The following CCL28 variants were observed in gnomAD, a reference collection of about 807,000 sequenced individuals.
The protein encoded by CCL28 is C-C motif chemokine ligand 28.
CCL28 carries 4 observed loss-of-function variants against 7.1 expected under a neutral mutation model. The ratio of observed to expected loss-of-function variants is 0.56; its 90% CI spans 0.28 to 1.29. CCL28 has a LOEUF of 1.29. Ranked by LOEUF, CCL28 falls within the 50% of genes most tolerant of loss-of-function variation. The probability of loss-of-function intolerance (pLI) is 0.11; values close to 1 mark genes in which losing one functional copy is unlikely to be tolerated. For missense variants in CCL28, 151 were observed against 163.4 expected (o/e 0.92, Z 0.41); for synonymous variants, 55 against 57.8 (o/e 0.95, Z 0.22).
chr5:43,390,147 TGGTTGTTGGAGA>T (rs1202189767), intron 1 of CCL28, among the ~76,000 whole-genome samples: 1 of 152,182 alleles, frequency 6.6e-6, no homozygotes, highest in East Asian at 1.9e-4. Flanking sequence ...TACTGAACAA[TGGTTGTTGGAGA>T]GGTTGTTGGG....
downstream of CCL28, among the ~76,000 whole-genome samples, chr5:43,374,482 T>G (rs1306409470): frequency 6.6e-6 from 1 of 152,160 alleles, no homozygotes; most frequent in Admixed American, 6.5e-5. Flanking sequence ...ATTTATTCTG[T>G]GATAGTATAA....
chr5:43,397,260 G>T (rs904824375), intron 1 of CCL28: 7 of 152,262 alleles, frequency 4.6e-5, no homozygotes, highest in Non-Finnish European at 7.4e-5. Flanking sequence ...CTAGCCTACC[G>T]CGGGCTGCCC....
At chr5:43,359,716 A>G in the CCL28 span, among the ~76,000 whole-genome samples, 1 of 152,172 alleles carries the variant, frequency 6.6e-6, no homozygotes, top group South Asian at 2.1e-4. Flanking sequence ...AGAGATCACA[A>G]GATTTGTAAC....
At chr5:43,359,638 C>T in the CCL28 span, among the ~76,000 whole-genome samples, 2 of 152,306 alleles carry the variant, frequency 1.3e-5, no homozygotes, top group African/African-American at 2.4e-5. Context: ...CTGTTCCCAA[C>T]AATAAGCAGC....
chr5:43,362,265 A>C, the CCL28 span, among the ~76,000 whole-genome samples: 1 of 152,020 alleles, frequency 6.6e-6, no homozygotes, highest in Non-Finnish European at 1.5e-5. Context: ...GAATGGGATT[A>C]CATTCCTGAT....
At chr5:43,379,126 G>T (rs1288720160), downstream of CCL28, 2 of 152,074 alleles carry the variant, frequency 1.3e-5, no homozygotes, top group African/African-American at 4.8e-5. Flanking sequence ...ATTGCAGATC[G>T]ATCTAGTAAG....
chr5:43,407,428 C>T (rs1357961844), intron 1 of CCL28, among the ~76,000 whole-genome samples: 1 of 152,202 alleles, frequency 6.6e-6, no homozygotes, highest in African/African-American at 2.4e-5. Flanking sequence ...GCTGGGAAAA[C>T]TGGCTAGCCA....
the CCL28 span, among the ~76,000 whole-genome samples, chr5:43,367,290 C>A: frequency 6.6e-6 from 1 of 152,226 alleles, no homozygotes; most frequent in African/African-American, 2.4e-5. Flanking sequence ...GAAAAAAAAT[C>A]TCCTGCAGCT....
the CCL28 span, among the ~76,000 whole-genome samples, chr5:43,370,381 CACAG>C: frequency 5.3e-4 from 80 of 152,070 alleles, no homozygotes; most frequent in East Asian, 1.5e-3. Flanking sequence ...CATATCAATG[CACAG>C]ACAATCTGTT....
At chr5:43,376,650 A>C (rs1043630777), downstream of CCL28, 1 of 152,280 alleles carries the variant, frequency 6.6e-6, no homozygotes, top group African/African-American at 2.4e-5. Flanking sequence ...CAGAGTTTGC[A>C]GCAGAGAGTT....
the CCL28 span, among the ~76,000 whole-genome samples, chr5:43,365,563 G>A: frequency 3.1e-3 from 467 of 152,106 alleles, no homozygotes; most frequent in Middle Eastern, 0.01. Flanking sequence ...TGCAAGGCAG[G>A]CTTGGTGGTG....
At chr5:43,407,263 CA>C (rs1271568497) in intron 1 of CCL28, among the ~76,000 whole-genome samples, 1 of 152,172 alleles carries the variant, frequency 6.6e-6, no homozygotes, top group Non-Finnish European at 1.5e-5. Context: ...CTACAGTAGC[CA>C]AAACAGCATG....
At chr5:43,373,209 GA>G (rs1191323004), downstream of CCL28, among the ~76,000 whole-genome samples, 1 of 152,154 alleles carries the variant, frequency 6.6e-6, no homozygotes, top group Non-Finnish European at 1.5e-5. Flanking sequence ...ACTAGATAGT[GA>G]AGACAGTTCT....
At chr5:43,362,141 T>C in the CCL28 span, among the ~76,000 whole-genome samples, 1 of 152,242 alleles carries the variant, frequency 6.6e-6, no homozygotes, top group Non-Finnish European at 1.5e-5. Flanking sequence ...TGGAATGTTT[T>C]CCGCTTGTTT....
intron 1 of CCL28, among the ~76,000 whole-genome samples, chr5:43,408,960 G>A (rs1340550638): frequency 6.7e-6 from 1 of 148,790 alleles, no homozygotes; most frequent in Non-Finnish European, 1.5e-5. Context: ...GTGCGATCAT[G>A]GCTCACTGCA....
chr5:43,408,865 G>T (rs1579757088), intron 1 of CCL28, among the ~76,000 whole-genome samples: 1 of 148,252 alleles, frequency 6.7e-6, no homozygotes, highest in African/African-American at 2.5e-5. Flanking sequence ...GACATTTTTG[G>T]TAATTTTATT....
In CCL28 at chr5:43,387,843, C is replaced by T. The variant is rs557516647; in HGVS notation, c.191+507G>A. Among the ~76,000 whole-genome samples, 10 of 152,274 alleles carry T rather than the reference C, an allele frequency of 6.6e-5. No individual in the cohort carries two copies. In the South Asian group the frequency reaches 1.9e-3, roughly 28 times the overall value. ...GTCTCACCATGTTGCCCAGGCTGGT[C>T]TTGAACACCTGGGCTCAAGCGATAC... On this transcript the variant is annotated intron_variant, in intron 2 of 2. Transcript: ENST00000361115.
chr5:43,399,308 T>C (rs1740938815), intron 1 of CCL28, among the ~76,000 whole-genome samples: 1 of 152,190 alleles, frequency 6.6e-6, no homozygotes, highest in Non-Finnish European at 1.5e-5. Context: ...GTTCAGGACC[T>C]TATTAATTGA....
At position 43,412,293 on chromosome 5, in the gene CCL28, G is replaced by A. The variant is rs777188221; in HGVS notation, c.24C>T (p.Ile8=). The A allele has an allele frequency of 8.7e-6, 14 of 1,612,862 alleles. No individual in the cohort carries two copies. Among genetic ancestry groups the A allele is most frequent in the Admixed American group, 1.7e-5 (1 of 59,960 alleles). The part of the protein sequence containing the change: MQQRGLA[I]VALAVCAALH... ...GGGCCGCACAGACAGCCAAGGCCAC[G>A]ATGGCGAGTCCTCTCTGCTGCATTC... is the stretch of plus-strand genomic sequence containing the variant. Residue 8 remains isoleucine (I), a synonymous_variant, in exon 1 of 3, where the codon ATC becomes ATT. Transcript: ENST00000361115.
Sources: allele counts gnomAD v4.1 joint callset (sites outside exome capture counted in the v4.1 genomes callset), GRCh38; gene constraint gnomAD v4.1.1; transcripts MANE v1.5; gene names NCBI Gene and HGNC (gene_info 2026-07-23, HGNC 2026-07-21).